The following DACH2 variants were observed in gnomAD, a reference collection of about 807,000 sequenced individuals.
DACH2 encodes dachshund family transcription factor 2.
In DACH2, 17 loss-of-function variants were observed where a neutral mutation model predicts 35.8. That is an observed-to-expected ratio of 0.48 (90% CI 0.33 to 0.71). The LOEUF (loss-of-function observed/expected upper bound fraction) is 0.71, where lower values mean the gene tolerates loss of function less well. Among genes scored for constraint, DACH2 ranks in the 30% least tolerant of loss-of-function variants. The pLI is 0.02. For missense variants in DACH2, 469 were observed against 472.7 expected (o/e 0.99, Z 0.07); for synonymous variants, 195 against 177.3 (o/e 1.10, Z -0.79).
Position 86,620,270 on chromosome X carries a change from G to A in DACH2, c.641-30766G>A, listed in dbSNP as rs769174798. 2.7e-5 allele frequency among the ~76,000 whole-genome samples: 3 copies of A among 111,749 alleles called. No individual in the cohort carries two copies. The South Asian group carries it at 1.1e-3, about 42-fold the overall frequency. ...GTTAGTTGCCTTAAAGTTGTACATA[G>A]AAAAAGGCCGTGAACTAGGATGGTA... On this transcript the variant is annotated intron_variant, in intron 3 of 11. Coordinates refer to ENST00000373125, the MANE Select transcript of DACH2 (RefSeq NM_053281.3).
chrX:86,547,220 A>G (rs184344321), intron 3 of DACH2, among the ~76,000 whole-genome samples: 161 of 111,815 alleles, frequency 1.4e-3, no homozygotes, highest in African/African-American at 5.1e-3. Flanking sequence ...TGGAAACACA[A>G]CAGATGGGTT....
rs182580857 is a variant in DACH2 at position 86,417,571 on chromosome X, T to C, written c.527+40709T>C. 7.0e-4 allele frequency among the ~76,000 whole-genome samples: 78 copies of C among 111,070 alleles called. 1 individual carries two copies. Among genetic ancestry groups the C allele is most frequent in the African/African-American group, 2.2e-3 (68 of 30,514 alleles). On this transcript the variant is annotated intron_variant, in intron 2 of 11. Transcript: ENST00000373125. ...AAACCATCAGATCTCATGAGACTCA[T>C]TCACTATAATGAGAACAGTGCAGGA... is the stretch of plus-strand genomic sequence containing the variant.
At chrX:86,294,760 A>G (rs1303807080) in intron 1 of DACH2, among the ~76,000 whole-genome samples, 4 of 109,728 alleles carry the variant, frequency 3.6e-5, no homozygotes, top group Non-Finnish European at 7.6e-5. Flanking sequence ...GACCCACTTG[A>G]GGAGGCAGTC....
chrX:86,509,734 G>A (rs180868527), intron 2 of DACH2, among the ~76,000 whole-genome samples: 104 of 111,972 alleles, frequency 9.3e-4, no homozygotes, highest in African/African-American at 2.9e-3. Context: ...TTAATATAAC[G>A]TGCACATTGA....
At chrX:86,773,626 TCCA>T (rs1162414716) in intron 7 of DACH2, among the ~76,000 whole-genome samples, 1 of 111,948 alleles carries the variant, frequency 8.9e-6, no homozygotes, top group African/African-American at 3.2e-5. Flanking sequence ...TGAGAACAAT[TCCA>T]AGACCATTAT....
intron 4 of DACH2, among the ~76,000 whole-genome samples, chrX:86,682,652 T>A (rs1180923202): frequency 3.6e-5 from 4 of 111,626 alleles, no homozygotes; most frequent in Non-Finnish European, 5.7e-5. Context: ...CATTTATGAA[T>A]CTCTTTGATA....
intron 1 of DACH2, among the ~76,000 whole-genome samples, chrX:86,156,678 A>G (rs1160496066): frequency 2.7e-5 from 3 of 111,211 alleles, no homozygotes; most frequent in Non-Finnish European, 5.7e-5. Flanking sequence ...TAATGAATAA[A>G]GTGAGCCTAA....
intron 1 of DACH2, among the ~76,000 whole-genome samples, chrX:86,186,176 T>C (rs1337268318): frequency 8.9e-6 from 1 of 112,646 alleles, no homozygotes; most frequent in African/African-American, 3.2e-5. Context: ...AAGCCATCAT[T>C]GGATTGGGCT....
At position 86,641,409 on chromosome X, in the gene DACH2, G is replaced by T. The variant is rs1036213971; in HGVS notation, c.641-9627G>T. 3.6e-5 allele frequency among the ~76,000 whole-genome samples: 4 copies of T among 111,684 alleles called. No homozygotes were observed. The Admixed American group carries it at 3.8e-4, about 11-fold the overall frequency. Reference sequence around the variant, plus strand: ...AGACAGTCAGACAAAAATAAAGAAAGAAAATAAAAATGAATGACAAGAATC... The same window carrying T: ...AGACAGTCAGACAAAAATAAAGAAATAAAATAAAAATGAATGACAAGAATC... On this transcript the variant is annotated intron_variant, in intron 3 of 11. Transcript: ENST00000373125.
chrX:86,626,563 C>G (rs1431212577), intron 3 of DACH2, among the ~76,000 whole-genome samples: 5 of 113,040 alleles, frequency 4.4e-5, no homozygotes, highest in African/African-American at 1.6e-4. Context: ...CCTAGTAGTA[C>G]ATGTTCTCCA....
chrX:86,666,651 G>C (rs2040672926), intron 4 of DACH2, among the ~76,000 whole-genome samples: 1 of 111,226 alleles, frequency 9.0e-6, no homozygotes, highest in Non-Finnish European at 1.9e-5. Flanking sequence ...TAGTAAGTGG[G>C]ATAAGATTAC....
At position 86,725,609 on chromosome X, in the gene DACH2, G is replaced by A. The variant is rs773925881; in HGVS notation, c.1104+10889G>A. Among the ~76,000 whole-genome samples, 4 of 111,238 alleles carry A rather than the reference G, an allele frequency of 3.6e-5. No homozygotes were observed. The South Asian group carries it at 1.6e-3, about 43-fold the overall frequency. ...CTTACATAGGCACCAGTGTTGATGAGTCCTGAAGGGCCAGTTCGTGGGCCT... is the reference window on the plus strand; with the variant it reads ...CTTACATAGGCACCAGTGTTGATGAATCCTGAAGGGCCAGTTCGTGGGCCT... On this transcript the variant is annotated intron_variant, in intron 6 of 11. Transcript: ENST00000373125.
At chrX:86,829,206 A>G (rs1461119659) in intron 11 of DACH2, 2 of 112,246 alleles carry the variant, frequency 1.8e-5, no homozygotes, top group Non-Finnish European at 3.8e-5. Context: ...GCTTATATAG[A>G]GTAGGTATAC....
chrX:86,226,036 T>C (rs1441768364), intron 1 of DACH2, among the ~76,000 whole-genome samples: 3 of 111,447 alleles, frequency 2.7e-5, no homozygotes, highest in Non-Finnish European at 5.7e-5. Flanking sequence ...CTTACCCCTC[T>C]CTGAGAAACA....
intron 3 of DACH2, among the ~76,000 whole-genome samples, chrX:86,587,374 TTCTTC>T (rs1162688485): frequency 2.7e-5 from 3 of 111,647 alleles, no homozygotes; most frequent in Non-Finnish European, 5.7e-5. Context: ...ATAGTTTGAC[TTCTTC>T]TCTTGTTATT....
At chrX:86,470,450 G>T (rs773302108) in intron 2 of DACH2, among the ~76,000 whole-genome samples, 1 of 111,490 alleles carries the variant, frequency 9.0e-6, no homozygotes, top group East Asian at 2.8e-4. Flanking sequence ...GATCCTTGAG[G>T]ATAAATCATA....
intron 7 of DACH2, among the ~76,000 whole-genome samples, chrX:86,780,230 C>A (rs1273514717): frequency 9.2e-6 from 1 of 108,999 alleles, no homozygotes; most frequent in African/African-American, 3.3e-5. Flanking sequence ...GAAACATCAG[C>A]CCACACAAAT....
chrX:86,638,667 T>C (rs2040308506), intron 3 of DACH2, among the ~76,000 whole-genome samples: 1 of 112,173 alleles, frequency 8.9e-6, no homozygotes, highest in Non-Finnish European at 1.9e-5. Context: ...ATGCTTAATG[T>C]CACTATTCAT....
At chrX:86,342,189 G>A (rs73518169) in intron 1 of DACH2, among the ~76,000 whole-genome samples, 2,518 of 111,097 alleles carry the variant, frequency 0.023, 81 homozygotes, top group African/African-American at 0.078. Context: ...TGGCAAACTC[G>A]CTGTTGTCTT....
Sources: allele counts gnomAD v4.1 joint callset (sites outside exome capture counted in the v4.1 genomes callset), GRCh38; gene constraint gnomAD v4.1.1; transcripts MANE v1.5; gene names NCBI Gene and HGNC (gene_info 2026-07-23, HGNC 2026-07-21).